Variants in KHDRBS2 observed in about 807,000 individuals in gnomAD.
The protein encoded by KHDRBS2 is KH domain-containing, RNA-binding, signal transduction-associated protein 2.
A neutral mutation model predicts 44.3 loss-of-function variants in KHDRBS2; 26 were observed. That is an observed-to-expected ratio of 0.59 (90% CI 0.43 to 0.81). The LOEUF (loss-of-function observed/expected upper bound fraction) is 0.81, where lower values mean the gene tolerates loss of function less well. Among genes scored for constraint, KHDRBS2 ranks in the 40% least tolerant of loss-of-function variants. The pLI, the probability that KHDRBS2 is intolerant of heterozygous loss-of-function variation, is 0.00. For missense variants in KHDRBS2, 476 were observed against 433.1 expected (o/e 1.10, Z -0.88); for synonymous variants, 194 against 151.1 (o/e 1.28, Z -2.08).
intron 7 of KHDRBS2, among the ~76,000 whole-genome samples, chr6:61,712,890 A>T (rs1238749014): frequency 1.2e-4 from 18 of 151,736 alleles, no homozygotes; most frequent in Admixed American, 1.2e-3. Context: ...TATGTAACTC[A>T]AGTCCACAAT....
chr6:61,939,030 T>A (rs1334777060), intron 4 of KHDRBS2, among the ~76,000 whole-genome samples: 2 of 152,174 alleles, frequency 1.3e-5, no homozygotes, highest in Admixed American at 1.3e-4. Context: ...TTTTTGATTG[T>A]CACACTGGTA....
intron 6 of KHDRBS2, among the ~76,000 whole-genome samples, chr6:61,817,588 C>T (rs1315971076): frequency 1.3e-5 from 2 of 151,946 alleles, no homozygotes; most frequent in Non-Finnish European, 2.9e-5. Context: ...TAAATACCTT[C>T]GATTTTGGAG....
the KHDRBS2 span, among the ~76,000 whole-genome samples, chr6:61,622,838 G>A: frequency 1.3e-5 from 2 of 152,124 alleles, no homozygotes; most frequent in Non-Finnish European, 2.9e-5. Context: ...AAGAACGTCA[G>A]TGGTAGCTCT....
chr6:61,607,519 G>GAAAAAAAAAAAAAAAAAAAAA, the KHDRBS2 span, among the ~76,000 whole-genome samples: 4 of 23,284 alleles, frequency 1.7e-4, no homozygotes, highest in Non-Finnish European at 2.3e-4. Context: ...TGAGTTCCAA[G>GAAAAAAAAAAAAAAAAAAAAA]CAAAAAAAAA....
chr6:61,801,615 T>C (rs547629059), intron 6 of KHDRBS2, among the ~76,000 whole-genome samples: 2 of 152,284 alleles, frequency 1.3e-5, no homozygotes, highest in South Asian at 4.1e-4. Context: ...CGCTGCTCCC[T>C]ATCTTCTATT....
the KHDRBS2 span, among the ~76,000 whole-genome samples, chr6:61,604,872 T>A: frequency 3.3e-3 from 500 of 152,244 alleles, 2 homozygotes; most frequent in African/African-American, 0.011. Flanking sequence ...TAAGACATAA[T>A]TCCTTGGTCT....
chr6:62,059,729 C>T (rs184638908), intron 2 of KHDRBS2, among the ~76,000 whole-genome samples: 3 of 151,518 alleles, frequency 2.0e-5, no homozygotes, highest in East Asian at 2.0e-4. Flanking sequence ...AAAATATATA[C>T]GTTGTAATTT....
intron 2 of KHDRBS2, among the ~76,000 whole-genome samples, chr6:62,062,572 G>A (rs1478470796): frequency 1.3e-5 from 2 of 150,332 alleles, no homozygotes; most frequent in African/African-American, 4.9e-5. Flanking sequence ...GATGTTCTTT[G>A]AAACCAAGAA....
intron 6 of KHDRBS2, among the ~76,000 whole-genome samples, chr6:61,824,273 GT>G (rs1161741252): frequency 1.3e-5 from 2 of 152,044 alleles, no homozygotes; most frequent in Admixed American, 1.3e-4. Context: ...TCATGAAGGT[GT>G]TTTTCTAATG....
intron 6 of KHDRBS2, among the ~76,000 whole-genome samples, chr6:61,764,049 C>A (rs1478547493): frequency 6.6e-6 from 1 of 151,984 alleles, no homozygotes; most frequent in South Asian, 2.1e-4. Context: ...TCTCATTGTT[C>A]AGTTCCCACT....
At chr6:61,556,844 A>G in the KHDRBS2 span, among the ~76,000 whole-genome samples, 3 of 141,366 alleles carry the variant, frequency 2.1e-5, no homozygotes, top group Admixed American at 2.2e-4. Context: ...TTACTGATTT[A>G]TCAAGGACAT....
intron 2 of KHDRBS2, among the ~76,000 whole-genome samples, chr6:62,063,464 G>C (rs1199453237): frequency 2.7e-5 from 4 of 150,024 alleles, no homozygotes; most frequent in African/African-American, 7.3e-5. Flanking sequence ...GGGATGCAAG[G>C]CTGGTTCAAT....
At chr6:61,567,632 C>A in the KHDRBS2 span, among the ~76,000 whole-genome samples, 8 of 152,208 alleles carry the variant, frequency 5.3e-5, no homozygotes, top group East Asian at 1.9e-4. Context: ...CAAACAGAGA[C>A]CTTGTCTTAA....
At chr6:61,677,066 G>C (rs1765986174), downstream of KHDRBS2, among the ~76,000 whole-genome samples, 1 of 151,684 alleles carries the variant, frequency 6.6e-6, no homozygotes, top group East Asian at 1.9e-4. Flanking sequence ...CTCTTTTCTT[G>C]TTCAACACTA....
chr6:61,709,003 C>T (rs1475711042), intron 7 of KHDRBS2, among the ~76,000 whole-genome samples: 1 of 151,630 alleles, frequency 6.6e-6, no homozygotes. Flanking sequence ...CTCACCAACT[C>T]CCAGTTTCCT....
intron 2 of KHDRBS2, among the ~76,000 whole-genome samples, chr6:62,053,420 T>C (rs1789531516): frequency 6.6e-6 from 1 of 152,016 alleles, no homozygotes; most frequent in South Asian, 2.1e-4. Flanking sequence ...TCCTGTTGTA[T>C]GTACAAAATA....
intron 6 of KHDRBS2, among the ~76,000 whole-genome samples, chr6:61,850,350 T>C (rs1795244586): frequency 6.6e-6 from 1 of 152,066 alleles, no homozygotes; most frequent in Non-Finnish European, 1.5e-5. Flanking sequence ...CCTAACTAAT[T>C]GTAGATGCCT....
chr6:62,098,422 G>A (rs1801137712), intron 2 of KHDRBS2, among the ~76,000 whole-genome samples: 1 of 151,970 alleles, frequency 6.6e-6, no homozygotes, highest in South Asian at 2.1e-4. Context: ...TCTGTTGACA[G>A]TTTGTTTTGT....
At chr6:62,263,413 A>G (rs1222868727) in intron 1 of KHDRBS2, among the ~76,000 whole-genome samples, 1 of 151,690 alleles carries the variant, frequency 6.6e-6, no homozygotes, top group Non-Finnish European at 1.5e-5. Context: ...ATATTTTTAA[A>G]AATAAGAGTT....
Sources: gnomAD v4.1 joint callset for allele counts (sites outside exome capture counted in the v4.1 genomes callset) on GRCh38, gnomAD v4.1.1 for gene constraint, MANE v1.5 for transcripts, NCBI Gene and HGNC (gene_info 2026-07-23, HGNC 2026-07-21) for gene names.